The following AFF3 variants were observed in gnomAD, a reference collection of about 807,000 sequenced individuals.
AFF3 encodes the protein ALF transcription elongation factor 3.
In AFF3, 32 loss-of-function variants were observed where a neutral mutation model predicts 129.7. The observed-to-expected ratio is 0.25, with a 90% CI of 0.19 to 0.33. The LOEUF (loss-of-function observed/expected upper bound fraction) is 0.33. Among genes scored for constraint, AFF3 ranks in the 10% least tolerant of loss-of-function variants. AFF3 has a pLI of 1.00. For synonymous variants in AFF3, 644 were observed against 635.4 expected (o/e 1.01, Z -0.20); for missense variants, 1,373 against 1,592.0 (o/e 0.86, Z 2.34).
intron 10 of AFF3, among the ~76,000 whole-genome samples, chr2:99,734,366 C>CTT (rs35599718): frequency 2.0e-5 from 3 of 151,524 alleles, no homozygotes; most frequent in East Asian, 1.9e-4. Context: ...CTAACAGGTA[C>CTT]TTTTTTTTCT....
At chr2:99,906,048 A>G (rs899581420) in intron 7 of AFF3, among the ~76,000 whole-genome samples, 1 of 152,232 alleles carries the variant, frequency 6.6e-6, no homozygotes, top group Non-Finnish European at 1.5e-5. Context: ...CCCAACACCA[A>G]AATACTCTGA....
chr2:100,006,898 C>A lies in AFF3; in HGVS notation c.607G>T (p.Ala203Ser). Residue 203 changes from alanine to serine, a missense_variant, in exon 7 of 25, where the codon GCG becomes TCG. Coordinates refer to ENST00000672756, the MANE Select transcript of AFF3 (RefSeq NM_001386135.1). ...LQTQERPPAM[A>S]AKHSSSGHCV... Reference sequence around the variant, plus strand: ...TGTCCGCTGCTGCTGTGCTTGGCCGCCATGGCAGGTGGCCTCTCCTGGGTC... The same window carrying A: ...TGTCCGCTGCTGCTGTGCTTGGCCGACATGGCAGGTGGCCTCTCCTGGGTC... 5 of 1,614,172 alleles carry A rather than the reference C, an allele frequency of 3.1e-6. No individual in the cohort carries two copies. The highest frequency in any genetic ancestry group is 1.7e-5 in the Admixed American group (1 of 60,016).
intron 2 of AFF3, chr2:100,106,972 G>C: frequency 2.0e-6 from 2 of 985,466 alleles, no homozygotes; most frequent in Non-Finnish European, 2.4e-6. Flanking sequence ...ATTTACGTTT[G>C]AATTTAAACT....
intron 7 of AFF3, among the ~76,000 whole-genome samples, chr2:99,922,814 C>T (rs754043096): frequency 1.5e-3 from 236 of 152,280 alleles, no homozygotes; most frequent in Non-Finnish European, 2.3e-3. Context: ...TTTTCTACCT[C>T]TGGGGCTAAA....
chr2:99,837,331 G>A, intron 8 of AFF3, 146 bp downstream of exon 8: 1 of 739,160 alleles, frequency 1.4e-6, no homozygotes, highest in South Asian at 2.0e-5. Flanking sequence ...CAGAAGTGTT[G>A]TTTCAAAAAC....
chr2:99,863,068 C>A (rs1691116956), intron 7 of AFF3, among the ~76,000 whole-genome samples: 1 of 152,232 alleles, frequency 6.6e-6, no homozygotes, highest in South Asian at 2.1e-4. Context: ...AAAACTAATT[C>A]ATCCTTCTAG....
At chr2:100,016,636 TG>T (rs1683123192) in intron 4 of AFF3, among the ~76,000 whole-genome samples, 1 of 150,202 alleles carries the variant, frequency 6.7e-6, no homozygotes, top group Non-Finnish European at 1.5e-5. Flanking sequence ...GTGGTGGTGA[TG>T]GTGGTGGTAA....
chr2:99,956,158 A>G (rs1232525426), intron 7 of AFF3, among the ~76,000 whole-genome samples: 1 of 151,302 alleles, frequency 6.6e-6, no homozygotes, highest in Non-Finnish European at 1.5e-5. Context: ...CTTTAAAAAT[A>G]TATTGTTTTA....
rs570488931 is a variant in AFF3 at position 99,668,067 on chromosome 2, C to T, written c.1143+4471G>A. Among the ~76,000 whole-genome samples, 664 of 151,858 alleles carry T rather than the reference C, an allele frequency of 4.4e-3. 2 individuals are homozygous for T. Among genetic ancestry groups the T allele is most frequent in the African/African-American group, 0.015 (627 of 41,478 alleles). On this transcript the variant is annotated intron_variant, in intron 12 of 24. Coordinates refer to ENST00000672756, the MANE Select transcript of AFF3 (RefSeq NM_001386135.1). ...CAGCTACTCAGGAGGCTGAGGCAGG[C>T]GAATGGCGTGAACCCAGGAGGCAGA...
At chr2:99,700,146 A>C (rs751415072) in intron 11 of AFF3, among the ~76,000 whole-genome samples, 3 of 150,270 alleles carry the variant, frequency 2.0e-5, no homozygotes, top group Non-Finnish European at 4.4e-5. Flanking sequence ...TTTGAGACGA[A>C]GTCTCGCTCT....
intron 13 of AFF3, among the ~76,000 whole-genome samples, chr2:99,623,151 CTT>C (rs77383046): frequency 6.0e-4 from 74 of 124,082 alleles, no homozygotes; most frequent in African/African-American, 7.6e-4. Flanking sequence ...ACCTCTGGTT[CTT>C]TTTTTTTTTT....
chr2:100,125,474 T>G (rs1692146656), intron 2 of AFF3, among the ~76,000 whole-genome samples: 1 of 152,130 alleles, frequency 6.6e-6, no homozygotes. Flanking sequence ...CAACGTTGTA[T>G]CCCTAGAGCC....
At chr2:99,671,898 GACTGA>G (rs1246255617) in intron 12 of AFF3, among the ~76,000 whole-genome samples, 2 of 152,174 alleles carry the variant, frequency 1.3e-5, no homozygotes, top group African/African-American at 4.8e-5. Flanking sequence ...CACCTTAACT[GACTGA>G]TCAGAAGAGT....
intron 7 of AFF3, among the ~76,000 whole-genome samples, chr2:99,870,751 G>GA (rs144006820): frequency 7.2e-5 from 11 of 151,826 alleles, no homozygotes; most frequent in Non-Finnish European, 1.2e-4. Flanking sequence ...CTTTTTGTTG[G>GA]AAAAAAACAG....
intron 9 of AFF3, among the ~76,000 whole-genome samples, chr2:99,747,836 A>G (rs1180754466): frequency 1.3e-5 from 2 of 152,142 alleles, no homozygotes; most frequent in Non-Finnish European, 2.9e-5. Flanking sequence ...TTGGTGGTAC[A>G]TTGAAACAAC....
chr2:99,905,088 C>T (rs191713108), intron 7 of AFF3, among the ~76,000 whole-genome samples: 1 of 152,172 alleles, frequency 6.6e-6, no homozygotes, highest in Non-Finnish European at 1.5e-5. Context: ...GCTCTCTCTA[C>T]CACCTCTGCC....
intron 11 of AFF3, among the ~76,000 whole-genome samples, chr2:99,702,920 T>C (rs1677008561): frequency 6.6e-6 from 1 of 152,228 alleles, no homozygotes; most frequent in Non-Finnish European, 1.5e-5. Context: ...ATTGATGAAG[T>C]CCAATTTACC....
chr2:99,911,390 GAA>G (rs34700536), intron 7 of AFF3, among the ~76,000 whole-genome samples: 7 of 128,344 alleles, frequency 5.5e-5, no homozygotes, highest in Non-Finnish European at 3.4e-5. Context: ...TTCATCTCTG[GAA>G]AAAAAAAAAA....
intron 8 of AFF3, among the ~76,000 whole-genome samples, chr2:99,769,050 G>C (rs1016892883): frequency 1.3e-5 from 2 of 152,096 alleles, no homozygotes; most frequent in Non-Finnish European, 2.9e-5. Flanking sequence ...TCTAGGTTCC[G>C]TTATTATACC....
Sources: gnomAD v4.1 joint callset for allele counts (sites outside exome capture counted in the v4.1 genomes callset) on GRCh38, gnomAD v4.1.1 for gene constraint, MANE v1.5 for transcripts, NCBI Gene and HGNC (gene_info 2026-07-23, HGNC 2026-07-21) for gene names.